The following DIAPH3 variants were observed in gnomAD, a reference collection of about 807,000 sequenced individuals.
The protein encoded by DIAPH3 is diaphanous related formin 3, also known as protein diaphanous homolog 3.
DIAPH3 carries 117 observed loss-of-function variants against 144.3 expected under a neutral mutation model. The ratio of observed to expected loss-of-function variants is 0.81; its 90% CI spans 0.70 to 0.95. The LOEUF is 0.95. Ranked by LOEUF, DIAPH3 falls within the 40% of genes least tolerant of loss-of-function variation. DIAPH3 has a pLI of 0.00. For synonymous variants in DIAPH3, 519 were observed against 488.9 expected (o/e 1.06, Z -0.81); for missense variants, 1,421 against 1,412.7 (o/e 1.01, Z -0.09).
intron 2 of DIAPH3, among the ~76,000 whole-genome samples, chr13:60,119,449 A>C (rs1302790656): frequency 3.3e-5 from 5 of 152,198 alleles, no homozygotes; most frequent in African/African-American, 9.7e-5. Flanking sequence ...CAGAAGTGGT[A>C]TGAAATGATA....
chr13:59,734,774 T>C (rs1238104039), intron 27 of DIAPH3, among the ~76,000 whole-genome samples: 2 of 152,234 alleles, frequency 1.3e-5, no homozygotes, highest in Non-Finnish European at 2.9e-5. Flanking sequence ...CTTCAGTCCA[T>C]CTGGTCTCAT....
intron 17 of DIAPH3, among the ~76,000 whole-genome samples, chr13:59,956,105 A>G (rs1404583060): frequency 6.6e-6 from 1 of 152,212 alleles, no homozygotes; most frequent in Admixed American, 6.5e-5. Flanking sequence ...AAGTTCAAAA[A>G]ATTTGCAGCC....
At chr13:59,954,019 G>C (rs1330151995) in intron 17 of DIAPH3, among the ~76,000 whole-genome samples, 1 of 152,176 alleles carries the variant, frequency 6.6e-6, no homozygotes, top group African/African-American at 2.4e-5. Flanking sequence ...TAAGTAGTCA[G>C]GGTTCCTGAC....
chr13:59,709,389 A>C (rs918059146), intron 27 of DIAPH3, among the ~76,000 whole-genome samples: 1 of 152,200 alleles, frequency 6.6e-6, no homozygotes, highest in African/African-American at 2.4e-5. Context: ...AACTCAAACA[A>C]ATTTACAAGA....
chr13:59,904,988 A>G (rs2046646955), intron 20 of DIAPH3, among the ~76,000 whole-genome samples: 1 of 152,160 alleles, frequency 6.6e-6, no homozygotes, highest in African/African-American at 2.4e-5. Flanking sequence ...CACCAACTAA[A>G]AAAGAAAAAC....
chr13:59,808,633 T>C (rs1278638735), intron 25 of DIAPH3, among the ~76,000 whole-genome samples: 1 of 152,140 alleles, frequency 6.6e-6, no homozygotes, highest in Non-Finnish European at 1.5e-5. Flanking sequence ...AAGTCAGCAA[T>C]AACTATTGTT....
intron 25 of DIAPH3, among the ~76,000 whole-genome samples, chr13:59,794,820 T>C (rs1468975769): frequency 1.3e-5 from 2 of 152,214 alleles, no homozygotes; most frequent in Non-Finnish European, 2.9e-5. Context: ...AGTATAAATA[T>C]TCTTCTTTAA....
intron 27 of DIAPH3, among the ~76,000 whole-genome samples, chr13:59,742,029 A>G (rs894135246): frequency 2.6e-5 from 4 of 152,146 alleles, no homozygotes; most frequent in Non-Finnish European, 4.4e-5. Flanking sequence ...CAATCATGGC[A>G]GAAGGAGAAG....
chr13:59,844,514 A>C (rs1566401946), intron 22 of DIAPH3, among the ~76,000 whole-genome samples: 1 of 151,684 alleles, frequency 6.6e-6, no homozygotes, highest in Admixed American at 6.6e-5. Context: ...AAAAAAAAAA[A>C]AAAGGAAAAA....
rs1443954275 is a variant in DIAPH3, at chr13:60,035,171, G to C, written c.626+7519C>G. Among the ~76,000 whole-genome samples the C allele has an allele frequency of 2.6e-5, 4 of 152,244 alleles. No homozygotes were observed. In the East Asian group the frequency reaches 7.7e-4, roughly 29 times the overall value. ...TCTCAGGTCAACTATAAATTGAGCT[G>C]AGTAGCTCTTATTTACCATCTATAG... On this transcript the variant is annotated intron_variant, in intron 5 of 27. Coordinates refer to ENST00000400324, the MANE Select transcript of DIAPH3 (RefSeq NM_001042517.2).
intron 27 of DIAPH3, among the ~76,000 whole-genome samples, chr13:59,722,568 TTC>T (rs1013356293): frequency 2.6e-5 from 4 of 152,310 alleles, no homozygotes; most frequent in Middle Eastern, 3.4e-3. Context: ...GCATTTGGTT[TTC>T]TCTCATAGCA....
chr13:60,109,860 C>T (rs777515772), intron 3 of DIAPH3, among the ~76,000 whole-genome samples: 1 of 152,182 alleles, frequency 6.6e-6, no homozygotes, highest in South Asian at 2.1e-4. Flanking sequence ...TAGTGATGAA[C>T]ACAACTATTT....
At chr13:59,756,011 G>A (rs563347464) in intron 27 of DIAPH3, among the ~76,000 whole-genome samples, 155 of 152,046 alleles carry the variant, frequency 1.0e-3, no homozygotes, top group Non-Finnish European at 1.8e-3. Context: ...ACAGATAAAG[G>A]TGATCCAGAT....
In DIAPH3 at chr13:59,818,729, T is replaced by G. The variant is rs9570211; in HGVS notation, c.3028-7806A>C. 2.0e-5 allele frequency among the ~76,000 whole-genome samples: 3 copies of G among 151,990 alleles called. No homozygotes were observed. In the East Asian group the frequency reaches 5.8e-4, roughly 29 times the overall value. ...CTTAAGAAGTATTTTACACTTCTAA[T>G]TATACTGTCCCCCTGGTTTGCATTC... On this transcript the variant is annotated intron_variant, in intron 24 of 27. Coordinates refer to ENST00000400324, the MANE Select transcript of DIAPH3 (RefSeq NM_001042517.2).
At chr13:59,795,223 C>A (rs893718401) in intron 25 of DIAPH3, among the ~76,000 whole-genome samples, 7 of 151,758 alleles carry the variant, frequency 4.6e-5, no homozygotes, top group Non-Finnish European at 1.0e-4. Flanking sequence ...AAAGTGACTT[C>A]ATGGTGCTCT....
At chr13:59,798,231 C>T (rs2039715156) in intron 25 of DIAPH3, among the ~76,000 whole-genome samples, 1 of 152,174 alleles carries the variant, frequency 6.6e-6, no homozygotes, top group African/African-American at 2.4e-5. Flanking sequence ...AGTCTCATTC[C>T]TCCTAGTCCC....
At position 59,666,510 on chromosome 13, in the gene DIAPH3, AT is replaced by A. The variant is rs2032018148; in HGVS notation, c.*73del. ...ATATAAAGTCACTTACATAAAAGCA[AT>A]TTTTTCAAGTGTTATAGTTTAGAGC... On this transcript the variant is annotated 3_prime_UTR_variant, in exon 28 of 28. Coordinates refer to ENST00000400324, the MANE Select transcript of DIAPH3 (RefSeq NM_001042517.2). 4 of 1,564,436 alleles carry A rather than the reference AT, an allele frequency of 2.6e-6. No individual in the cohort carries two copies. The highest frequency in any genetic ancestry group is 3.5e-6 in the Non-Finnish European group (4 of 1,156,078).
intron 17 of DIAPH3, among the ~76,000 whole-genome samples, chr13:59,931,336 C>T (rs934077485): frequency 3.9e-5 from 6 of 152,132 alleles, no homozygotes; most frequent in Admixed American, 1.3e-4. Flanking sequence ...TGCTTTCAGG[C>T]TTGACTAGCT....
At chr13:59,938,776 T>C (rs943166337) in intron 17 of DIAPH3, among the ~76,000 whole-genome samples, 1 of 152,180 alleles carries the variant, frequency 6.6e-6, no homozygotes, top group Non-Finnish European at 1.5e-5. Context: ...TAGAAAATGA[T>C]ATTTTTAAAA....
Sources: gnomAD v4.1 joint callset for allele counts (sites outside exome capture counted in the v4.1 genomes callset) on GRCh38, gnomAD v4.1.1 for gene constraint, MANE v1.5 for transcripts, NCBI Gene and HGNC (gene_info 2026-07-23, HGNC 2026-07-21) for gene names.